Variants in SLC44A1 observed in about 807,000 individuals in gnomAD.
SLC44A1 encodes choline transporter-like protein 1.
Under a neutral mutation model 79.3 loss-of-function variants are expected in SLC44A1, and 26 were observed. That is an observed-to-expected ratio of 0.33 (90% CI 0.24 to 0.46). The LOEUF (loss-of-function observed/expected upper bound fraction) is 0.46, where lower values mean the gene tolerates loss of function less well. Among genes scored for constraint, SLC44A1 ranks in the 20% least tolerant of loss-of-function variants. The pLI is 1.00. For synonymous variants in SLC44A1, 263 were observed against 286.2 expected, an observed-to-expected ratio of 0.92 and a Z score of 0.82; for missense variants, 688 against 798.1, an observed-to-expected ratio of 0.86 and a Z score of 1.66.
At chr9:105,427,158 C>A (rs375735272) in intron 15 of SLC44A1, among the ~76,000 whole-genome samples, 1 of 152,178 alleles carries the variant, frequency 6.6e-6, no homozygotes, top group Non-Finnish European at 1.5e-5. Flanking sequence ...GTCTTGAACT[C>A]CTGAGCTCAA....
chr9:105,267,574 A>G (rs997052306), intron 1 of SLC44A1, among the ~76,000 whole-genome samples: 6 of 152,020 alleles, frequency 3.9e-5, no homozygotes, highest in African/African-American at 1.2e-4. Context: ...TATTTCTGCT[A>G]TGATTTCTAA....
intron 7 of SLC44A1, among the ~76,000 whole-genome samples, chr9:105,359,597 A>C (rs1005042151): frequency 4.6e-5 from 7 of 152,202 alleles, no homozygotes; most frequent in Non-Finnish European, 7.4e-5. Context: ...ACTGTCTACC[A>C]TGGCTATTGT....
At chr9:105,264,871 A>G (rs941083412) in intron 1 of SLC44A1, among the ~76,000 whole-genome samples, 5 of 150,706 alleles carry the variant, frequency 3.3e-5, no homozygotes, top group African/African-American at 1.2e-4. Flanking sequence ...ATCTCGGCTC[A>G]CCACAACCTC....
chr9:105,397,775 T>C (rs995644243), downstream of SLC44A1, among the ~76,000 whole-genome samples: 2 of 151,340 alleles, frequency 1.3e-5, no homozygotes, highest in Non-Finnish European at 2.9e-5. Flanking sequence ...AAACCCCGTC[T>C]CTACTAAAAA....
chr9:105,268,577 C>A (rs971171628), intron 1 of SLC44A1, among the ~76,000 whole-genome samples: 2 of 152,060 alleles, frequency 1.3e-5, no homozygotes, highest in African/African-American at 4.8e-5. Flanking sequence ...GATCTCTGCT[C>A]ACTGCAACCT....
chr9:105,246,534 G>C (rs967714468), intron 1 of SLC44A1, among the ~76,000 whole-genome samples: 3 of 152,066 alleles, frequency 2.0e-5, no homozygotes, highest in African/African-American at 7.2e-5. Flanking sequence ...TGGTATATCA[G>C]AGTTTTCATA....
intron 12 of SLC44A1, among the ~76,000 whole-genome samples, chr9:105,368,591 C>G (rs76165019): frequency 4.6e-5 from 7 of 152,188 alleles, no homozygotes; most frequent in Admixed American, 4.6e-4. Context: ...GTATATCACA[C>G]TGCTGCCATT....
At chr9:105,323,068 C>A (rs1232780687) in intron 3 of SLC44A1, among the ~76,000 whole-genome samples, 1 of 149,424 alleles carries the variant, frequency 6.7e-6, no homozygotes, top group Non-Finnish European at 1.5e-5. Context: ...AAAAAATACA[C>A]CACCAGGCGT....
At chr9:105,414,699 A>C (rs772672115) in intron 15 of SLC44A1, among the ~76,000 whole-genome samples, 1 of 152,214 alleles carries the variant, frequency 6.6e-6, no homozygotes, top group East Asian at 1.9e-4. Context: ...CAAAAGGCTA[A>C]GGCAGGAAGA....
chr9:105,356,661 A>G (rs1827632569), intron 6 of SLC44A1, among the ~76,000 whole-genome samples: 1 of 152,180 alleles, frequency 6.6e-6, no homozygotes, highest in African/African-American at 2.4e-5. Flanking sequence ...TGAGAGCAAG[A>G]GGCTTCTTTT....
intron 15 of SLC44A1, among the ~76,000 whole-genome samples, chr9:105,415,793 T>C (rs973381963): frequency 6.6e-6 from 1 of 152,196 alleles, no homozygotes; most frequent in Non-Finnish European, 1.5e-5. Context: ...TTGAAGAATA[T>C]TGTCCTTCGA....
chr9:105,346,860 C>G (rs1827260128), intron 4 of SLC44A1, among the ~76,000 whole-genome samples: 2 of 152,072 alleles, frequency 1.3e-5, no homozygotes, highest in Non-Finnish European at 2.9e-5. Flanking sequence ...TGCCATGTAA[C>G]TTGTAATTAT....
intron 1 of SLC44A1, among the ~76,000 whole-genome samples, chr9:105,263,097 A>G (rs1334136610): frequency 6.6e-6 from 1 of 152,222 alleles, no homozygotes. Flanking sequence ...ATCCTTTTAC[A>G]GAATTACACA....
intron 1 of SLC44A1, among the ~76,000 whole-genome samples, chr9:105,261,569 G>C (rs912145102): frequency 6.6e-6 from 1 of 152,156 alleles, no homozygotes; most frequent in African/African-American, 2.4e-5. Flanking sequence ...AATATCGGTA[G>C]AATAAAAAGA....
intron 15 of SLC44A1, among the ~76,000 whole-genome samples, chr9:105,422,330 C>G (rs1300241046): frequency 7.3e-6 from 1 of 136,556 alleles, no homozygotes; most frequent in Non-Finnish European, 1.5e-5. Context: ...TACTCTGTAG[C>G]CAGGCTGGAG....
intron 1 of SLC44A1, among the ~76,000 whole-genome samples, chr9:105,245,946 C>T (rs1437853238): frequency 1.3e-5 from 2 of 152,122 alleles, no homozygotes; most frequent in Non-Finnish European, 2.9e-5. Flanking sequence ...TTTACAAATA[C>T]TATAAAAAGC....
In SLC44A1 at chr9:105,278,537, C is replaced by T. The variant is rs371312888; in HGVS notation, c.37-20683C>T. 1.6e-4 allele frequency among the ~76,000 whole-genome samples: 25 copies of T among 152,240 alleles called. No individual in the cohort carries two copies. In the East Asian group the frequency reaches 1.7e-3, roughly 11 times the overall value. The stretch of plus-strand genomic sequence containing the variant: ...TGCTGGGATTACAGGCGTGAGCCAC[C>T]GCGCCTGGCCTTTTTGAATTTTTAG... On this transcript the variant is annotated intron_variant, in intron 1 of 15. Transcript: ENST00000374720.
chr9:105,327,844 C>T (rs1424889041), intron 3 of SLC44A1, among the ~76,000 whole-genome samples: 2 of 152,114 alleles, frequency 1.3e-5, no homozygotes, highest in Non-Finnish European at 2.9e-5. Context: ...TCCTGTTTTC[C>T]CTGCTCTAGC....
chr9:105,345,822 G>A (rs1016985316), intron 4 of SLC44A1, among the ~76,000 whole-genome samples: 48 of 151,978 alleles, frequency 3.2e-4, no homozygotes, highest in African/African-American at 1.0e-3. Context: ...GAGTAACATC[G>A]GCTGAGTTGC....
Sources: allele counts gnomAD v4.1 joint callset (sites outside exome capture counted in the v4.1 genomes callset), GRCh38; gene constraint gnomAD v4.1.1; transcripts MANE v1.5; gene names NCBI Gene and HGNC (gene_info 2026-07-23, HGNC 2026-07-21).